Variants in ME1 observed in about 807,000 individuals in gnomAD.
The protein encoded by ME1 is NADP-dependent malic enzyme.
In ME1, 74 loss-of-function variants were observed where a neutral mutation model predicts 66.4. The observed-to-expected ratio is 1.11, with a 90% CI of 0.92 to 1.35. The LOEUF (loss-of-function observed/expected upper bound fraction) is 1.35, where lower values mean the gene tolerates loss of function less well. Ranked by LOEUF, ME1 falls within the 40% of genes most tolerant of loss-of-function variation. The pLI, the probability that ME1 is intolerant of heterozygous loss-of-function variation, is 0.00. For synonymous variants in ME1, 251 were observed against 235.6 expected (o/e 1.07, Z -0.60); for missense variants, 750 against 694.1 (o/e 1.08, Z -0.90).
At chr6:83,406,297 T>C (rs1265375310) in intron 2 of ME1, among the ~76,000 whole-genome samples, 2 of 152,192 alleles carry the variant, frequency 1.3e-5, no homozygotes, top group Non-Finnish European at 2.9e-5. Context: ...TTTCTTTTTT[T>C]GTTGTGTCTC....
At chr6:83,301,128 T>C (rs972278607) in intron 6 of ME1, among the ~76,000 whole-genome samples, 1 of 152,058 alleles carries the variant, frequency 6.6e-6, no homozygotes, top group African/African-American at 2.4e-5. Context: ...CACACCAACA[T>C]GGTACATGTA....
intron 1 of ME1, among the ~76,000 whole-genome samples, chr6:83,420,799 T>C (rs6915119): frequency 5.6e-4 from 86 of 152,224 alleles, no homozygotes; most frequent in African/African-American, 2.0e-3. Context: ...AGAGCAACTA[T>C]GTTGAAAGAT....
At chr6:83,390,373 G>A (rs1016968493) in intron 3 of ME1, among the ~76,000 whole-genome samples, 6 of 152,236 alleles carry the variant, frequency 3.9e-5, no homozygotes, top group African/African-American at 1.2e-4. Flanking sequence ...AATACCTGCT[G>A]TTGTAGTAGA....
rs150492177 is a variant in ME1 at position 83,295,896 on chromosome 6, G to A, written c.704+19414C>T. 6.6e-3 allele frequency among the ~76,000 whole-genome samples: 1,001 copies of A among 152,174 alleles called. 11 individuals carry two copies. Among genetic ancestry groups the A allele is most frequent in the African/African-American group, 0.023 (949 of 41,496 alleles). On this transcript the variant is annotated intron_variant, in intron 6 of 13. Coordinates refer to ENST00000369705, the MANE Select transcript of ME1 (RefSeq NM_002395.6). ...CAGAGACTATTATGAACACCTTTAT[G>A]TACCCAAACTAGAAAACTTTGAAGA...
At chr6:83,263,188 T>C (rs187635121) in intron 6 of ME1, among the ~76,000 whole-genome samples, 32 of 152,270 alleles carry the variant, frequency 2.1e-4, no homozygotes, top group Non-Finnish European at 2.4e-4. Context: ...AAGCAATAAA[T>C]GTTGTGTATG....
intron 11 of ME1, among the ~76,000 whole-genome samples, chr6:83,224,612 A>G (rs1032216889): frequency 3.3e-5 from 5 of 150,434 alleles, no homozygotes; most frequent in Non-Finnish European, 7.4e-5. Context: ...TGAACTCAGG[A>G]GGCAGAGGTT....
In ME1 at chr6:83,431,046, G is replaced by A; in HGVS notation, c.-92C>T. ...TGCTGCTGGGGTGACGGTGCTGACT[G>A]CAGCTGTGGCGGCGGCGGCCGCACT... On this transcript the variant is annotated 5_prime_UTR_variant, in exon 1 of 14. Transcript: ENST00000369705. 1.3e-6 allele frequency: 1 copy of A among 754,392 alleles called. No homozygotes were observed. Among genetic ancestry groups the A allele is most frequent in the Non-Finnish European group, 1.9e-6 (1 of 531,752 alleles). 46.7% of individuals were successfully genotyped at this position (754,392 alleles called of 1,614,324 possible).
At chr6:83,241,681 T>G (rs977480229) in intron 7 of ME1, among the ~76,000 whole-genome samples, 1 of 152,146 alleles carries the variant, frequency 6.6e-6, no homozygotes, top group Admixed American at 6.6e-5. Context: ...GGTACTACCT[T>G]GATTTAAATT....
At chr6:83,221,023 T>C (rs1790082584) in intron 12 of ME1, among the ~76,000 whole-genome samples, 1 of 152,036 alleles carries the variant, frequency 6.6e-6, no homozygotes, top group Non-Finnish European at 1.5e-5. Flanking sequence ...GCTGGGCGTA[T>C]TGGCATTGTG....
In ME1 at chr6:83,346,289, G is replaced by A. The variant is rs758610279; in HGVS notation, c.484C>T (p.Leu162Phe). 2 of 1,612,714 alleles carry A rather than the reference G, an allele frequency of 1.2e-6. No individual in the cohort carries two copies. Among genetic ancestry groups the A allele is most frequent in the African/African-American group, 1.3e-5 (1 of 74,962 alleles). ...DGERILGLGD[L>F]GCNGMGIPVG... is the part of the protein sequence containing the mutation. ...GGGATGCCCATTCCATTACAGCCAA[G>A]GTCTCCCAAGCCAAGAATACGCTCT... Residue 162 changes from leucine to phenylalanine, a missense_variant, in exon 5 of 14, where the codon CTT becomes TTT. Leu to Phe is a conservative substitution (Grantham distance 22, BLOSUM62 0). Coordinates refer to ENST00000369705, the MANE Select transcript of ME1 (RefSeq NM_002395.6).
intron 2 of ME1, 67 bp downstream of exon 2, chr6:83,407,701 C>G (rs975206956): frequency 7.3e-7 from 1 of 1,374,574 alleles, no homozygotes; most frequent in South Asian, 1.8e-5. Context: ...CATTTTCTCA[C>G]CCAATAAAAA....
intron 5 of ME1, among the ~76,000 whole-genome samples, chr6:83,320,058 G>A (rs1768123015): frequency 1.3e-5 from 2 of 152,176 alleles, no homozygotes; most frequent in African/African-American, 4.8e-5. Context: ...TCCTAGGATG[G>A]TGATAAGCAT....
chr6:83,310,554 C>T (rs1157324533), intron 6 of ME1, among the ~76,000 whole-genome samples: 1 of 152,106 alleles, frequency 6.6e-6, no homozygotes, highest in Non-Finnish European at 1.5e-5. Context: ...CTGGTTAACT[C>T]ACTGCTGCAG....
At position 83,430,982 on chromosome 6, in the gene ME1, C is replaced by A. The variant is rs980043526; in HGVS notation, c.-28G>T. The stretch of plus-strand genomic sequence containing the variant: ...CTGGCGCCGGGTTCGGCGGCGGGGT[C>A]AGGCCGGGGCGGGCCGCACGCGCGG... On this transcript the variant is annotated 5_prime_UTR_variant, in exon 1 of 14. Coordinates refer to ENST00000369705, the MANE Select transcript of ME1 (RefSeq NM_002395.6). The A allele has an allele frequency of 1.9e-5, 28 of 1,437,966 alleles. No homozygotes were observed. The highest frequency in any genetic ancestry group is 2.8e-5 in the Admixed American group (1 of 35,278). The allele number at this position is 1,437,966 out of a possible 1,614,324, so 89.1% of individuals were successfully genotyped here.
At chr6:83,305,013 T>C (rs1767799645) in intron 6 of ME1, among the ~76,000 whole-genome samples, 1 of 152,186 alleles carries the variant, frequency 6.6e-6, no homozygotes, top group Non-Finnish European at 1.5e-5. Flanking sequence ...ATTCATTACT[T>C]ACCATGTGCT....
intron 2 of ME1, among the ~76,000 whole-genome samples, chr6:83,403,151 G>T (rs1012069419): frequency 2.0e-5 from 3 of 152,168 alleles, no homozygotes; most frequent in Non-Finnish European, 4.4e-5. Flanking sequence ...TTGAGGATAG[G>T]GTTGGTGCAT....
rs1769226135 is a variant in ME1, at chr6:83,373,238, A to G, written c.363-21099T>C. ...AAACCAAGCATTTTTAGTAACATGT[A>G]TTTGTTTTTTTTTCTTCTGAAGAGT... is the stretch of plus-strand genomic sequence containing the variant. On this transcript the variant is annotated intron_variant, in intron 3 of 13. Transcript: ENST00000369705. Among the ~76,000 whole-genome samples, 3 of 125,612 alleles carry G rather than the reference A, an allele frequency of 2.4e-5. No individual in the cohort carries two copies. The South Asian group carries it at 7.0e-4, about 29-fold the overall frequency. The allele number at this position is 125,612 out of a possible 152,430, so 82.4% of individuals were successfully genotyped here.
At chr6:83,259,710 C>T (rs965274979) in intron 6 of ME1, among the ~76,000 whole-genome samples, 20 of 152,156 alleles carry the variant, frequency 1.3e-4, no homozygotes, top group Admixed American at 2.6e-4. Flanking sequence ...GATGTGTTAA[C>T]TTCTTTCATA....
chr6:83,347,046 C>G (rs966847474), intron 4 of ME1, among the ~76,000 whole-genome samples: 2 of 152,000 alleles, frequency 1.3e-5, no homozygotes, highest in South Asian at 2.1e-4. Flanking sequence ...CTCTGCCTAC[C>G]GGGTTCAGGC....
Sources: gnomAD v4.1 joint callset for allele counts (sites outside exome capture counted in the v4.1 genomes callset) on GRCh38, gnomAD v4.1.1 for gene constraint, MANE v1.5 for transcripts, NCBI Gene and HGNC (gene_info 2026-07-23, HGNC 2026-07-21) for gene names.